Variants in CSMD1 observed in about 807,000 individuals in gnomAD.
CSMD1 encodes the protein CUB and sushi domain-containing protein 1.
A neutral mutation model predicts 417.5 loss-of-function variants in CSMD1; 213 were observed. That is an observed-to-expected ratio of 0.51 (90% CI 0.46 to 0.57). The LOEUF (loss-of-function observed/expected upper bound fraction) is 0.57, where lower values mean the gene tolerates loss of function less well. Ranked by LOEUF, CSMD1 falls within the 20% of genes least tolerant of loss-of-function variation. The pLI is 0.00. For synonymous variants in CSMD1, 2,862 were observed against 1,736.8 expected, an observed-to-expected ratio of 1.65 and a Z score of -16.11; for missense variants, 6,923 against 4,529.7, an observed-to-expected ratio of 1.53 and a Z score of -15.17.
At chr8:4,684,312 G>A (rs1014510409) in intron 1 of CSMD1, among the ~76,000 whole-genome samples, 7 of 152,058 alleles carry the variant, frequency 4.6e-5, no homozygotes, top group Non-Finnish European at 8.8e-5. Flanking sequence ...GGTAAAAATC[G>A]GTTTTCTGTT....
chr8:2,945,732 C>T (rs559284165), intron 68 of CSMD1, among the ~76,000 whole-genome samples: 83 of 152,260 alleles, frequency 5.5e-4, no homozygotes, highest in Non-Finnish European at 9.1e-4. Flanking sequence ...CCTGTCCCTC[C>T]TCCTCTCTCA....
intron 25 of CSMD1, among the ~76,000 whole-genome samples, chr8:3,287,209 G>C (rs1259165962): frequency 1.5e-5 from 2 of 134,978 alleles, no homozygotes; most frequent in Non-Finnish European, 3.3e-5. Flanking sequence ...CTGTAGCCTT[G>C]TAGTACAGTT....
intron 4 of CSMD1, among the ~76,000 whole-genome samples, chr8:4,025,194 G>A (rs1401702818): frequency 1.2e-4 from 19 of 152,320 alleles, no homozygotes; most frequent in Non-Finnish European, 7.3e-5. Flanking sequence ...CTGGGGGAGT[G>A]TTCTGGATCA....
intron 1 of CSMD1, among the ~76,000 whole-genome samples, chr8:4,939,189 C>A (rs186447028): frequency 6.6e-6 from 1 of 152,256 alleles, no homozygotes; most frequent in African/African-American, 2.4e-5. Flanking sequence ...AGAAAATCCA[C>A]GTACACTGTT....
Position 4,071,399 on chromosome 8 carries a change from T to TAA in CSMD1, c.416-39302_416-39301dup, listed in dbSNP as rs58743441. Among the ~76,000 whole-genome samples, 4 of 151,966 alleles carry TAA rather than the reference T, an allele frequency of 2.6e-5. No homozygotes were observed. In the South Asian group the frequency reaches 8.3e-4, roughly 32 times the overall value. ...TAAGCCTTTCCAAGTAAACCTACTT[T>TAA]AAAAAAAATTGTAGTTTAGATATTT... On this transcript the variant is annotated intron_variant, in intron 3 of 69. Coordinates refer to ENST00000635120, the MANE Select transcript of CSMD1 (RefSeq NM_033225.6).
At chr8:3,203,146 G>C (rs549436560) in intron 31 of CSMD1, among the ~76,000 whole-genome samples, 2 of 152,174 alleles carry the variant, frequency 1.3e-5, no homozygotes, top group African/African-American at 2.4e-5. Flanking sequence ...GAAAAAAGGA[G>C]GGAAGGGGAT....
intron 2 of CSMD1, among the ~76,000 whole-genome samples, chr8:4,522,270 G>T (rs1803498094): frequency 6.6e-6 from 1 of 152,166 alleles, no homozygotes; most frequent in African/African-American, 2.4e-5. Context: ...GACGTGACTT[G>T]CTCCTCCTTG....
intron 3 of CSMD1, among the ~76,000 whole-genome samples, chr8:4,342,979 A>G (rs546452212): frequency 6.6e-6 from 1 of 152,224 alleles, no homozygotes; most frequent in East Asian, 1.9e-4. Flanking sequence ...CAGGTAGAGA[A>G]TTCCAAGCTG....
At chr8:4,402,177 C>T (rs1585019793) in intron 3 of CSMD1, among the ~76,000 whole-genome samples, 1 of 152,126 alleles carries the variant, frequency 6.6e-6, no homozygotes, top group African/African-American at 2.4e-5. Context: ...ACCACATCTA[C>T]TTCTCCAAAA....
chr8:4,824,163 A>T (rs547904209), intron 1 of CSMD1, among the ~76,000 whole-genome samples: 1 of 151,808 alleles, frequency 6.6e-6, no homozygotes, highest in Non-Finnish European at 1.5e-5. Flanking sequence ...ATTGATGCCT[A>T]TATATATTTT....
intron 10 of CSMD1, among the ~76,000 whole-genome samples, chr8:3,531,145 GCCA>G (rs1797963608): frequency 6.6e-6 from 1 of 152,070 alleles, no homozygotes; most frequent in Non-Finnish European, 1.5e-5. Context: ...ACAGGTGTGA[GCCA>G]CCACACCTGG....
At chr8:3,256,327 A>G (rs1180351925) in intron 26 of CSMD1, among the ~76,000 whole-genome samples, 1 of 147,972 alleles carries the variant, frequency 6.8e-6, no homozygotes, top group Non-Finnish European at 1.5e-5. Flanking sequence ...AAAAAAAAAG[A>G]GAAGAAAGGA....
chr8:4,056,305 A>C (rs1585219410), intron 3 of CSMD1, among the ~76,000 whole-genome samples: 2 of 147,898 alleles, frequency 1.4e-5, no homozygotes, highest in African/African-American at 2.5e-5. Context: ...CTCGTCTCAA[A>C]CTCCTGACCT....
chr8:4,218,023 G>C (rs1316951872), intron 3 of CSMD1, among the ~76,000 whole-genome samples: 1 of 152,160 alleles, frequency 6.6e-6, no homozygotes, highest in African/African-American at 2.4e-5. Context: ...GAAAACCTAT[G>C]CTTTACTGAT....
intron 2 of CSMD1, among the ~76,000 whole-genome samples, chr8:4,534,607 G>C (rs572593767): frequency 6.6e-6 from 1 of 152,006 alleles, no homozygotes; most frequent in South Asian, 2.1e-4. Context: ...CATTCTAGTA[G>C]CCTGAAATGT....
At chr8:3,311,744 T>C (rs1402920914) in intron 23 of CSMD1, among the ~76,000 whole-genome samples, 2 of 152,172 alleles carry the variant, frequency 1.3e-5, no homozygotes, top group Admixed American at 1.3e-4. Context: ...TGTGTTCATT[T>C]TGACAATAAA....
chr8:4,279,644 A>C (rs983695869), intron 3 of CSMD1, among the ~76,000 whole-genome samples: 3 of 152,232 alleles, frequency 2.0e-5, no homozygotes, highest in Non-Finnish European at 4.4e-5. Context: ...GTGGTAACTC[A>C]TTCGAGTATC....
intron 3 of CSMD1, among the ~76,000 whole-genome samples, chr8:4,387,373 A>C (rs1251971116): frequency 6.6e-6 from 1 of 152,082 alleles, no homozygotes; most frequent in African/African-American, 2.4e-5. Context: ...ATTTCTTCTT[A>C]TGTGTTAAAT....
chr8:3,002,896 G>A (rs1807536544), intron 52 of CSMD1, among the ~76,000 whole-genome samples: 2 of 152,188 alleles, frequency 1.3e-5, no homozygotes, highest in South Asian at 4.1e-4. Context: ...AAAGAAAACA[G>A]AGGATGTCCT....
Sources: allele counts gnomAD v4.1 joint callset (sites outside exome capture counted in the v4.1 genomes callset), GRCh38; gene constraint gnomAD v4.1.1; transcripts MANE v1.5; gene names NCBI Gene and HGNC (gene_info 2026-07-23, HGNC 2026-07-21).